Variants in SATB1 observed in about 807,000 individuals in gnomAD.
SATB1 encodes the protein DNA-binding protein SATB1.
SATB1 carries 11 observed loss-of-function variants against 86.9 expected under a neutral mutation model. That is an observed-to-expected ratio of 0.13 (90% CI 0.08 to 0.21). The LOEUF (loss-of-function observed/expected upper bound fraction) is 0.21. SATB1 is among the 10% of genes least tolerant of loss of function. SATB1 has a pLI of 1.00. For missense variants in SATB1, 551 were observed against 937.6 expected, an observed-to-expected ratio of 0.59 and a Z score of 5.39; for synonymous variants, 357 against 357.2, an observed-to-expected ratio of 1.00 and a Z score of 0.01.
At chr3:18,350,839 G>A (rs892306222) in intron 10 of SATB1, 4 of 159,604 alleles carry the variant, frequency 2.5e-5, no homozygotes, top group Admixed American at 5.8e-5. Flanking sequence ...TTAGTTATAC[G>A]TATCTATCTA....
At chr3:18,437,887 T>C (rs1419524887) in intron 1 of SATB1, among the ~76,000 whole-genome samples, 1 of 152,120 alleles carries the variant, frequency 6.6e-6, no homozygotes, top group Non-Finnish European at 1.5e-5. Context: ...ACTTCATTCA[T>C]TGATAAAATA....
upstream of SATB1, among the ~76,000 whole-genome samples, chr3:18,441,055 T>C (rs1019535990): frequency 1.3e-5 from 2 of 152,200 alleles, no homozygotes; most frequent in South Asian, 2.1e-4. Context: ...ATATGTATGC[T>C]TATTCTGCTC....
intron 2 of SATB1, among the ~76,000 whole-genome samples, chr3:18,435,670 T>A (rs1699034615): frequency 6.6e-6 from 1 of 152,100 alleles, no homozygotes; most frequent in African/African-American, 2.4e-5. Flanking sequence ...AGTTAGGTAA[T>A]CTACAGATAG....
At chr3:18,370,459 A>T (rs1695414715) in intron 9 of SATB1, among the ~76,000 whole-genome samples, 1 of 144,548 alleles carries the variant, frequency 6.9e-6, no homozygotes, top group Non-Finnish European at 1.5e-5. Context: ...ATTGGGGAAA[A>T]GTATCTTAAA....
rs117431821 is a variant in SATB1, at chr3:18,404,828, C to T, written c.640-7538G>A. On this transcript the variant is annotated intron_variant, in intron 5 of 10. Coordinates refer to ENST00000338745, the MANE Select transcript of SATB1 (RefSeq NM_002971.6). Reference sequence around the variant, plus strand: ...ACCAAATGAATATACTGGTAAAGAGCTTAAACTATAAAATATTTTTAAAAG... The same window carrying T: ...ACCAAATGAATATACTGGTAAAGAGTTTAAACTATAAAATATTTTTAAAAG... Among the ~76,000 whole-genome samples the T allele has an allele frequency of 1.8e-4, 27 of 148,638 alleles. No homozygotes were observed. The East Asian group carries it at 5.2e-3, about 29-fold the overall frequency.
chr3:18,433,689 A>G (rs564280690), intron 2 of SATB1, among the ~76,000 whole-genome samples: 1 of 152,216 alleles, frequency 6.6e-6, no homozygotes, highest in East Asian at 1.9e-4. Context: ...ACAAACATAT[A>G]TTTATTATGT....
Position 18,349,171 on chromosome 3 carries a change from C to T in SATB1, c.2291G>A (p.Ter764=). 1.2e-6 allele frequency: 2 copies of T among 1,612,500 alleles called. No homozygotes were observed. The highest frequency in any genetic ancestry group is 1.1e-5 in the South Asian group (1 of 90,898). The change falls in exon 11 of 11, where the codon TGA becomes TAA. Residue 764 remains the stop codon, a stop_retained_variant. Coordinates refer to ENST00000338745, the MANE Select transcript of SATB1 (RefSeq NM_002971.6). The surrounding 1 kb of genome is among the most constrained non-coding windows in gnomAD (Gnocchi z 5.5). The part of the protein sequence containing the change: ...NTDINTDLKD[*] ...TTGAACGAAACAAATACTTTTATCTCAGTCTTTCAAATCAGTATTAATGTC... is the reference window on the plus strand; with the variant it reads ...TTGAACGAAACAAATACTTTTATCTTAGTCTTTCAAATCAGTATTAATGTC...
intron 9 of SATB1, among the ~76,000 whole-genome samples, chr3:18,353,324 C>A (rs1694466916): frequency 6.6e-6 from 1 of 152,132 alleles, no homozygotes; most frequent in Non-Finnish European, 1.5e-5. Flanking sequence ...ATTCTTCTTG[C>A]TCCCTCCATC....
intron 9 of SATB1, among the ~76,000 whole-genome samples, chr3:18,361,247 G>C (rs1245772099): frequency 1.3e-5 from 2 of 151,914 alleles, no homozygotes; most frequent in African/African-American, 4.8e-5. Context: ...TGTAACCTTA[G>C]GCAGATTACT....
At chr3:18,419,397 T>C (rs1453032893) in intron 2 of SATB1, among the ~76,000 whole-genome samples, 2 of 152,196 alleles carry the variant, frequency 1.3e-5, no homozygotes, top group African/African-American at 4.8e-5. Flanking sequence ...AAGGCAGTCT[T>C]AGAAGCTTTT....
intron 7 of SATB1, among the ~76,000 whole-genome samples, chr3:18,393,482 A>C (rs1696798811): frequency 6.6e-6 from 1 of 152,172 alleles, no homozygotes. Context: ...GGGCTTCTCA[A>C]ATATCTTTAT....
chr3:18,396,384 G>T (rs1370157658), intron 6 of SATB1, among the ~76,000 whole-genome samples: 1 of 152,086 alleles, frequency 6.6e-6, no homozygotes, highest in African/African-American at 2.4e-5. Flanking sequence ...ATATGTTTTG[G>T]AGGGTAAAAG....
At chr3:18,385,676 CACTA>C (rs1397841293) in intron 8 of SATB1, among the ~76,000 whole-genome samples, 11 of 151,208 alleles carry the variant, frequency 7.3e-5, no homozygotes. Context: ...GAGTCTAATA[CACTA>C]ACTAGCAAAC....
intron 9 of SATB1, among the ~76,000 whole-genome samples, chr3:18,354,496 G>C (rs1288730752): frequency 1.3e-5 from 2 of 151,978 alleles, no homozygotes; most frequent in Admixed American, 6.6e-5. Flanking sequence ...TTTAAACTCA[G>C]CTAGCATTCT....
At chr3:18,387,114 T>G (rs577230339) in intron 7 of SATB1, among the ~76,000 whole-genome samples, 1 of 152,380 alleles carries the variant, frequency 6.6e-6, no homozygotes, top group South Asian at 2.1e-4. Context: ...CTAAGGTTTA[T>G]GCTGTATTTT....
intron 5 of SATB1, among the ~76,000 whole-genome samples, chr3:18,404,989 G>C (rs1304040941): frequency 6.6e-6 from 1 of 151,934 alleles, no homozygotes; most frequent in African/African-American, 2.4e-5. Context: ...TTCTCAAACA[G>C]AGTGACTAAA....
At position 18,444,348 on chromosome 3, in the gene SATB1, C is replaced by A. The variant is rs979791014; in HGVS notation, c.-25+1170G>T. On this transcript the variant is annotated intron_variant, in intron 1 of 3. Coordinates refer to the SATB1 transcript ENST00000415069. This position sits in a 1 kb window ranked among gnomAD's most constrained non-coding sequence, Gnocchi z 5.1. ...GGTGTGTCCACACCCAGACAGAAAA[C>A]GAATGGCATCTTCAAATCCCCCATC... 6.6e-6 allele frequency among the ~76,000 whole-genome samples: 1 copy of A among 151,882 alleles called. No homozygotes were observed. Among genetic ancestry groups the A allele is most frequent in the African/African-American group, 2.4e-5 (1 of 41,340 alleles).
chr3:18,415,930 C>T (rs575767277), intron 4 of SATB1, 77 bp downstream of exon 4: 31 of 1,377,346 alleles, frequency 2.3e-5, no homozygotes, highest in Admixed American at 4.7e-5. Context: ...AATTGAAGGT[C>T]GACCAGAGAG....
Position 18,347,712 on chromosome 3 carries a change from T to C in SATB1, c.*1458A>G, listed in dbSNP as rs1228226122. The C allele has an allele frequency of 1.3e-5, 2 of 152,216 alleles. No homozygotes were observed. The highest frequency in any genetic ancestry group is 1.5e-5 in the Non-Finnish European group (1 of 68,020). The allele number at this position is 152,216 out of a possible 1,614,324, so 9.4% of individuals were successfully genotyped here. ...GAGAGTCTTTTGACCATCCTATCTC[T>C]ACTTATTAAGCAAAATGTTAACCAA... On this transcript the variant is annotated 3_prime_UTR_variant, in exon 11 of 11. Coordinates refer to ENST00000338745, the MANE Select transcript of SATB1 (RefSeq NM_002971.6).
Sources: allele counts gnomAD v4.1 joint callset (sites outside exome capture counted in the v4.1 genomes callset), GRCh38; gene constraint gnomAD v4.1.1; non-coding constraint Gnocchi (gnomAD v3.1); transcripts MANE v1.5; gene names NCBI Gene and HGNC (gene_info 2026-07-23, HGNC 2026-07-21).